IGDCC3: variants seen among roughly 807,000 people sequenced by gnomAD.
IGDCC3 encodes the protein immunoglobulin superfamily DCC subclass member 3, also known as putative neuronal cell adhesion molecule.
A neutral mutation model predicts 72.0 loss-of-function variants in IGDCC3; 47 were observed. The observed-to-expected ratio is 0.65, with a 90% CI of 0.52 to 0.83. The LOEUF is 0.83. Among genes scored for constraint, IGDCC3 ranks in the 40% least tolerant of loss-of-function variants. IGDCC3 has a pLI of 0.00. For synonymous variants in IGDCC3, 477 were observed against 472.8 expected (o/e 1.01, Z -0.11); for missense variants, 1,038 against 1,091.3 (o/e 0.95, Z 0.69).
chr15:65,338,905 CT>C (rs574379094), intron 2 of IGDCC3, among the ~76,000 whole-genome samples: 8 of 149,208 alleles, frequency 5.4e-5, no homozygotes, highest in South Asian at 2.1e-4. Flanking sequence ...AGTATTTTTT[CT>C]TTTTTTTTTC....
rs1444971133 is a variant in IGDCC3 at position 65,330,555 on chromosome 15, T to G, written c.1748A>C (p.Gln583Pro). 2.5e-6 allele frequency: 4 copies of G among 1,612,890 alleles called. No individual in the cohort carries two copies. The South Asian group carries it at 3.3e-5, about 13-fold the overall frequency. The change falls in exon 10 of 14, where the codon CAG becomes CCG. Residue 583 changes from glutamine (Q) to proline (P), a missense_variant. Coordinates refer to ENST00000327987, the MANE Select transcript of IGDCC3 (RefSeq NM_004884.4). Reference protein sequence around the residue: ...PGTVSSYNLSQLDPTAVYEVK... With the variant: ...PGTVSSYNLSPLDPTAVYEVK... ...CTGGGCTGTGTCTGCCTCACCGAGC[T>G]GGCTGAGGTTGTAGGAGGAGACGGT...
chr15:65,343,800 C>T (rs981775070), intron 2 of IGDCC3, among the ~76,000 whole-genome samples: 2 of 152,190 alleles, frequency 1.3e-5, no homozygotes, highest in Admixed American at 6.5e-5. Context: ...CCTCAAGGCA[C>T]CTGCAAATGT....
Position 65,335,406 on chromosome 15 carries a change from G to A in IGDCC3, c.570C>T (p.Pro190=), listed in dbSNP as rs377355461. The A allele has an allele frequency of 3.7e-6, 6 of 1,611,954 alleles. No individual in the cohort carries two copies. In the African/African-American group the frequency reaches 6.7e-5, roughly 18 times the overall value. Residue 190 remains proline (P), a synonymous_variant, in exon 4 of 14, where the codon CCC becomes CCT. Coordinates refer to ENST00000327987, the MANE Select transcript of IGDCC3 (RefSeq NM_004884.4). ...GTCCTGTGATCTGCAGGACCCCCTT[G>A]GGCAGCAATGTGTACCTGTTGAGGG... ...DTDNERYTLL[P]KGVLQITGLR...
chr15:65,334,139 C>T (rs1471037346), intron 5 of IGDCC3, among the ~76,000 whole-genome samples: 2 of 152,194 alleles, frequency 1.3e-5, no homozygotes, highest in Non-Finnish European at 2.9e-5. Flanking sequence ...CACAGTCTCC[C>T]TGTGAATGCG....
intron 2 of IGDCC3, among the ~76,000 whole-genome samples, chr15:65,337,404 G>A (rs550487823): frequency 1.4e-4 from 21 of 152,274 alleles, no homozygotes; most frequent in Admixed American, 4.6e-4. Context: ...ACGGGAATCC[G>A]TCCACTGCTG....
At chr15:65,366,458 G>A (rs2140168194) in intron 2 of IGDCC3, among the ~76,000 whole-genome samples, 1 of 152,204 alleles carries the variant, frequency 6.6e-6, no homozygotes, top group African/African-American at 2.4e-5. Context: ...AAGCTTGGGA[G>A]GACAAGGCAG....
intron 2 of IGDCC3, among the ~76,000 whole-genome samples, chr15:65,348,321 C>T (rs566791): frequency 0.46 from 70,415 of 152,042 alleles, 17,166 homozygotes; most frequent in African/African-American, 0.63. Context: ...TTCTTTCTTG[C>T]GTGAGATCCA....
Position 65,329,803 on chromosome 15 carries a change from G to A in IGDCC3, c.1920C>T (p.Gly640=), listed in dbSNP as rs1365428828. 2 of 1,614,138 alleles carry A rather than the reference G, an allele frequency of 1.2e-6. No individual in the cohort carries two copies. Among genetic ancestry groups the A allele is most frequent in the South Asian group, 1.1e-5 (1 of 91,070 alleles). ...CCCCGATGTGGATGCCGATGACGATGCCTGTGGTGGACGTCTGGTTGGCGG... is the reference window on the plus strand; with the variant it reads ...CCCCGATGTGGATGCCGATGACGATACCTGTGGTGGACGTCTGGTTGGCGG... The part of the protein sequence containing the change: ...EEAANQTSTT[G]IVIGIHIGVT... The change falls in exon 12 of 14, where the codon GGC becomes GGT. Residue 640 remains glycine, a synonymous_variant. Coordinates refer to ENST00000327987, the MANE Select transcript of IGDCC3 (RefSeq NM_004884.4). This position sits in a 1 kb window ranked among gnomAD's most constrained non-coding sequence, Gnocchi z 4.1.
intron 2 of IGDCC3, among the ~76,000 whole-genome samples, chr15:65,337,678 G>C (rs2091043546): frequency 6.6e-6 from 1 of 152,122 alleles, no homozygotes; most frequent in Non-Finnish European, 1.5e-5. Context: ...GGTGCTGCTG[G>C]AGCCCCTCTA....
At chr15:65,343,170 G>A (rs1403626001) in intron 2 of IGDCC3, among the ~76,000 whole-genome samples, 2 of 152,162 alleles carry the variant, frequency 1.3e-5, no homozygotes, top group Non-Finnish European at 1.5e-5. Context: ...GCAGGCCTTG[G>A]CAGAGAGCAA....
chr15:65,375,339 C>T lies in IGDCC3; in HGVS notation c.167G>A (p.Gly56Glu). Reference protein sequence around the residue: ...VEPSDDVAVPGQPIVLDCRVE... With the variant: ...VEPSDDVAVPEQPIVLDCRVE... ...CCTGCAGTCCAGCACTATAGGCTGC[C>T]CGGGGACGGCAACATCATCACTTGG... The change falls in exon 2 of 14, where the codon GGG (glycine) becomes GAG (glutamate). Residue 56 changes from glycine (G) to glutamate (E), a missense_variant. Coordinates refer to ENST00000327987, the MANE Select transcript of IGDCC3 (RefSeq NM_004884.4). 1 of 1,611,562 alleles carries T rather than the reference C, an allele frequency of 6.2e-7. No individual in the cohort carries two copies. The highest frequency in any genetic ancestry group is 8.5e-7 in the Non-Finnish European group (1 of 1,177,956).
Position 65,368,495 on chromosome 15 carries a change from G to A in IGDCC3, c.409+6602C>T, listed in dbSNP as rs74023803. Among the ~76,000 whole-genome samples, 510 of 152,266 alleles carry A rather than the reference G, an allele frequency of 3.3e-3. 3 individuals carry two copies. Among genetic ancestry groups the A allele is most frequent in the African/African-American group, 0.012 (484 of 41,534 alleles). On this transcript the variant is annotated intron_variant, in intron 2 of 13. Transcript: ENST00000327987. Reference sequence around the variant, plus strand: ...GAGCCAAGGTGTGGGAACCAGAAGCGTTCGACTTCCACACTCAAGTTCTGC... The same window carrying A: ...GAGCCAAGGTGTGGGAACCAGAAGCATTCGACTTCCACACTCAAGTTCTGC...
In IGDCC3 at chr15:65,330,388, G is replaced by A; in HGVS notation, c.1763C>T (p.Ala588Val). The A allele has an allele frequency of 6.2e-7, 1 of 1,613,060 alleles. No homozygotes were observed. The highest frequency in any genetic ancestry group is 1.1e-5 in the South Asian group (1 of 90,982). Residue 588 changes from alanine to valine, a missense_variant, in exon 11 of 14, where the codon GCA becomes GTA. Physicochemically the swap from Ala to Val is moderately conservative, Grantham distance 64. Transcript: ENST00000327987. The part of the protein sequence containing the change: ...SYNLSQLDPT[A>V]VYEVKLLAYN... ...GGCGAGCAGCTTCACCTCATACACT[G>A]CAGTGGGGTCTGGAGGAAGGCAGGG...
rs2120015 is a variant in IGDCC3 at position 65,364,191 on chromosome 15, A to G, written c.409+10906T>C. Among the ~76,000 whole-genome samples the G allele has an allele frequency of 9.1e-3, 1,383 of 152,292 alleles. 19 individuals carry two copies. The highest frequency in any genetic ancestry group is 0.031 in the Middle Eastern group (9 of 294). ...CCAGGGGTGTGAGCCCCTGCTAGAG[A>G]CATTCAGGCCAGTGAATTTTTTGGG... On this transcript the variant is annotated intron_variant, in intron 2 of 13. Coordinates refer to ENST00000327987, the MANE Select transcript of IGDCC3 (RefSeq NM_004884.4).
chr15:65,328,503 T>A lies in IGDCC3; in HGVS notation c.*406A>T. ...AAAAATCCATCCTGAGAAAACAAAG[T>A]CGGTGGAGGGTGACAGTGTCAGGGC... is the stretch of plus-strand genomic sequence containing the variant. On this transcript the variant is annotated 3_prime_UTR_variant, in exon 14 of 14. Coordinates refer to ENST00000327987, the MANE Select transcript of IGDCC3 (RefSeq NM_004884.4). 1 of 158,842 alleles carries A rather than the reference T, an allele frequency of 6.3e-6. No homozygotes were observed. Among genetic ancestry groups the A allele is most frequent in the Middle Eastern group, 2.9e-3 (1 of 340 alleles). 9.8% of individuals were successfully genotyped at this position (158,842 alleles called of 1,614,324 possible). A position where few individuals can be genotyped will look rare whatever the true frequency, so the allele number is the denominator to read the frequency against.
At chr15:65,338,898 AT>A (rs961334199) in intron 2 of IGDCC3, among the ~76,000 whole-genome samples, 1 of 151,486 alleles carries the variant, frequency 6.6e-6, no homozygotes, top group Non-Finnish European at 1.5e-5. Flanking sequence ...AAGCAATAGT[AT>A]TTTTTCTTTT....
At chr15:65,330,166 C>G in intron 11 of IGDCC3, 127 bp downstream of exon 11, 1 of 755,234 alleles carries the variant, frequency 1.3e-6, no homozygotes, top group South Asian at 1.6e-5. Context: ...ACACAGCCAG[C>G]ATGTGCATGG....
chr15:65,368,962 A>G (rs1002786500), intron 2 of IGDCC3, among the ~76,000 whole-genome samples: 2 of 152,156 alleles, frequency 1.3e-5, no homozygotes, highest in Non-Finnish European at 2.9e-5. Flanking sequence ...CTCCACAGGC[A>G]GGGGACATGA....
At position 65,375,243 on chromosome 15, in the gene IGDCC3, G is replaced by C. The variant is rs1306680153; in HGVS notation, c.263C>G (p.Ser88Cys). The C allele has an allele frequency of 1.9e-6, 3 of 1,614,124 alleles. No homozygotes were observed. The highest frequency in any genetic ancestry group is 2.5e-6 in the Non-Finnish European group (3 of 1,180,054). The change falls in exon 2 of 14, where the codon TCC (serine) becomes TGC (cysteine). Residue 88 changes from serine to cysteine, a missense_variant. Ser to Cys is a moderately radical substitution (Grantham distance 112, BLOSUM62 -1). Transcript: ENST00000327987. ...CAAGGACCCATTGGCCAGCAAGGTGGAGTGGGTACTCTCTGGCAGCTCTAC... is the reference window on the plus strand; with the variant it reads ...CAAGGACCCATTGGCCAGCAAGGTGCAGTGGGTACTCTCTGGCAGCTCTAC... ...NGVELPESTH[S>C]TLLANGSLMI... is the part of the protein sequence containing the mutation.
Sources: gnomAD v4.1 joint callset for allele counts (sites outside exome capture counted in the v4.1 genomes callset) on GRCh38, gnomAD v4.1.1 for gene constraint, Gnocchi (gnomAD v3.1) non-coding constraint, MANE v1.5 for transcripts, NCBI Gene and HGNC (gene_info 2026-07-23, HGNC 2026-07-21) for gene names.